Variants in CNTN1 observed in about 807,000 individuals in gnomAD.
CNTN1 encodes the protein contactin-1.
In CNTN1, 38 loss-of-function variants were observed where a neutral mutation model predicts 126.4. The observed-to-expected ratio is 0.30, with a 90% CI of 0.23 to 0.39. CNTN1 has a LOEUF of 0.39. Ranked by LOEUF, CNTN1 falls within the 10% of genes least tolerant of loss-of-function variation. The pLI is 1.00. For missense variants in CNTN1, 1,009 were observed against 1,248.4 expected, an observed-to-expected ratio of 0.81 and a Z score of 2.89; for synonymous variants, 413 against 422.6, an observed-to-expected ratio of 0.98 and a Z score of 0.28.
intron 14 of CNTN1, among the ~76,000 whole-genome samples, chr12:40,951,357 A>T (rs1415198123): frequency 6.6e-6 from 1 of 152,174 alleles, no homozygotes; most frequent in Non-Finnish European, 1.5e-5. Flanking sequence ...CTTAGAAATT[A>T]TCCTGGACAA....
At chr12:40,937,932 C>T (rs578175981) in intron 11 of CNTN1, among the ~76,000 whole-genome samples, 122 of 152,190 alleles carry the variant, frequency 8.0e-4, no homozygotes, top group African/African-American at 2.8e-3. Flanking sequence ...TACCTAGGAG[C>T]ACATTAGAAG....
intron 1 of CNTN1, among the ~76,000 whole-genome samples, chr12:40,895,592 G>A (rs930033705): frequency 6.6e-6 from 1 of 151,960 alleles, no homozygotes; most frequent in Non-Finnish European, 1.5e-5. Flanking sequence ...GATAACCCAT[G>A]AATCCATTAA....
intron 9 of CNTN1, among the ~76,000 whole-genome samples, chr12:40,935,021 G>C (rs1009142616): frequency 6.6e-6 from 1 of 151,720 alleles, no homozygotes; most frequent in Admixed American, 6.6e-5. Flanking sequence ...TTCTAACATT[G>C]GTGTGATCAG....
chr12:40,925,842 GTGTA>G (rs869068166), intron 6 of CNTN1, among the ~76,000 whole-genome samples: 13,168 of 128,912 alleles, frequency 0.1, 995 homozygotes, highest in African/African-American at 0.21. Flanking sequence ...ATGTGTGTGT[GTGTA>G]TATATATATA....
intron 14 of CNTN1, among the ~76,000 whole-genome samples, chr12:40,946,656 G>T (rs1946444516): frequency 6.6e-6 from 1 of 152,016 alleles, no homozygotes; most frequent in Non-Finnish European, 1.5e-5. Context: ...AATACAGGAA[G>T]TTCTGACTAA....
chr12:40,917,677 C>G (rs1159522837), intron 3 of CNTN1, among the ~76,000 whole-genome samples: 2 of 152,092 alleles, frequency 1.3e-5, no homozygotes, highest in Non-Finnish European at 2.9e-5. Flanking sequence ...TCTTTCTAGC[C>G]ACACAGATGA....
chr12:40,849,650 A>G (rs1433442152), intron 1 of CNTN1, among the ~76,000 whole-genome samples: 1 of 152,096 alleles, frequency 6.6e-6, no homozygotes, highest in Non-Finnish European at 1.5e-5. Flanking sequence ...CTGAGTCTAC[A>G]TAAAATATGG....
At chr12:40,713,578 C>T (rs1941977449) in intron 1 of CNTN1, among the ~76,000 whole-genome samples, 1 of 151,724 alleles carries the variant, frequency 6.6e-6, no homozygotes, top group South Asian at 2.1e-4. Context: ...AATGACATAA[C>T]ACATATAAAT....
At position 40,908,423 on chromosome 12, in the gene CNTN1, T is replaced by C. The variant is rs1357131982; in HGVS notation, c.-10T>C. The C allele has an allele frequency of 6.2e-7, 1 of 1,612,532 alleles. No homozygotes were observed. Among genetic ancestry groups the C allele is most frequent in the Non-Finnish European group, 8.5e-7 (1 of 1,179,004 alleles). On this transcript the variant is annotated 5_prime_UTR_variant, in exon 2 of 24. Transcript: ENST00000551295. ...TTGGAAAATTGAACCGAACTTCTAC[T>C]GAATACAAGATGAAAATGTGGTTGC... is the stretch of plus-strand genomic sequence containing the variant.
intron 1 of CNTN1, among the ~76,000 whole-genome samples, chr12:40,726,088 A>T (rs1442891662): frequency 6.6e-6 from 1 of 152,164 alleles, no homozygotes; most frequent in South Asian, 2.1e-4. Context: ...ACCTTTGTTT[A>T]ATGACTAGGG....
At chr12:40,731,350 AC>A (rs1788799183) in intron 1 of CNTN1, among the ~76,000 whole-genome samples, 1 of 151,996 alleles carries the variant, frequency 6.6e-6, no homozygotes. Context: ...TGAATTACAA[AC>A]TTTTTAGTAA....
chr12:40,748,457 C>A (rs1938269667), intron 1 of CNTN1, among the ~76,000 whole-genome samples: 1 of 152,110 alleles, frequency 6.6e-6, no homozygotes, highest in African/African-American at 2.4e-5. Context: ...ATAACACAGT[C>A]TCAAAATCTG....
intron 1 of CNTN1, among the ~76,000 whole-genome samples, chr12:40,736,031 G>C (rs2121284187): frequency 6.6e-6 from 1 of 152,146 alleles, no homozygotes; most frequent in South Asian, 2.1e-4. Context: ...AGCTGTCTCA[G>C]AAAGATGGGG....
intron 1 of CNTN1, among the ~76,000 whole-genome samples, chr12:40,850,112 T>G (rs1278802582): frequency 6.6e-6 from 1 of 152,118 alleles, no homozygotes; most frequent in Non-Finnish European, 1.5e-5. Context: ...GTTGAGTCAA[T>G]TCTATTTAAT....
At chr12:41,027,834 T>C (rs757407408) in intron 21 of CNTN1, 23 bp from the exon 22 acceptor site, 3 of 1,406,626 alleles carry the variant, frequency 2.1e-6, no homozygotes, top group Non-Finnish European at 3.0e-6. Flanking sequence ...TGACCACTGA[T>C]TGCATATTAC....
At chr12:40,886,394 A>G (rs1242358466) in intron 1 of CNTN1, among the ~76,000 whole-genome samples, 1 of 152,052 alleles carries the variant, frequency 6.6e-6, no homozygotes, top group African/African-American at 2.4e-5. Context: ...ATGTTATATA[A>G]CCTTCATTAG....
chr12:40,795,994 T>C (rs1940412752), intron 1 of CNTN1, among the ~76,000 whole-genome samples: 1 of 152,096 alleles, frequency 6.6e-6, no homozygotes, highest in Non-Finnish European at 1.5e-5. Context: ...TCATACCCAG[T>C]GCCAAACCTG....
intron 1 of CNTN1, among the ~76,000 whole-genome samples, chr12:40,798,568 A>T (rs147043349): frequency 2.6e-5 from 4 of 152,118 alleles, no homozygotes; most frequent in African/African-American, 9.6e-5. Flanking sequence ...TTAAAAAAAG[A>T]ACAAGATCAT....
chr12:40,973,212 A>G (rs1490095883), intron 15 of CNTN1, among the ~76,000 whole-genome samples: 2 of 152,098 alleles, frequency 1.3e-5, no homozygotes, highest in Non-Finnish European at 2.9e-5. Context: ...TATTCCTATT[A>G]AATGGTAGAG....
Sources: gnomAD v4.1 joint callset for allele counts (sites outside exome capture counted in the v4.1 genomes callset) on GRCh38, gnomAD v4.1.1 for gene constraint, MANE v1.5 for transcripts, NCBI Gene and HGNC (gene_info 2026-07-23, HGNC 2026-07-21) for gene names.